Variants in DCT observed in about 807,000 individuals in gnomAD.
DCT encodes the protein L-dopachrome tautomerase.
In DCT, 47 loss-of-function variants were observed where a neutral mutation model predicts 53.0. That is an observed-to-expected ratio of 0.89 (90% CI 0.70 to 1.13). The LOEUF is 1.13. Among genes scored for constraint, DCT ranks in the 50% most tolerant of loss-of-function variants. The probability of loss-of-function intolerance (pLI) is 0.00; values close to 1 mark genes in which losing one functional copy is unlikely to be tolerated. For missense variants in DCT, 669 were observed against 637.4 expected (o/e 1.05, Z -0.53); for synonymous variants, 244 against 237.0 (o/e 1.03, Z -0.27).
At chr13:94,444,000 A>C (rs1250329838) in intron 6 of DCT, among the ~76,000 whole-genome samples, 2 of 152,230 alleles carry the variant, frequency 1.3e-5, no homozygotes, top group Non-Finnish European at 2.9e-5. Context: ...ATATGTGTTA[A>C]TTATGAAATT....
chr13:94,506,162 A>C, the DCT span, among the ~76,000 whole-genome samples: 11,406 of 152,294 alleles, frequency 0.075, 892 homozygotes, highest in African/African-American at 0.2. Context: ...CACCATGGAT[A>C]TCTAAACACC....
chr13:94,511,988 T>C, the DCT span, among the ~76,000 whole-genome samples: 1 of 152,176 alleles, frequency 6.6e-6, no homozygotes, highest in South Asian at 2.1e-4. Context: ...CTCCACCTCC[T>C]GAGTAGCTGG....
At chr13:94,536,182 C>T in the DCT span, among the ~76,000 whole-genome samples, 3 of 152,232 alleles carry the variant, frequency 2.0e-5, no homozygotes, top group Non-Finnish European at 2.9e-5. Context: ...AGCCAATGGT[C>T]GATACAGTTT....
chr13:94,515,706 T>C, the DCT span, among the ~76,000 whole-genome samples: 2 of 152,154 alleles, frequency 1.3e-5, no homozygotes, highest in Non-Finnish European at 2.9e-5. Flanking sequence ...CTAGAAAGCT[T>C]GGACCTCAGC....
chr13:94,486,095 C>A, the DCT span, among the ~76,000 whole-genome samples: 1 of 152,130 alleles, frequency 6.6e-6, no homozygotes, highest in Non-Finnish European at 1.5e-5. Flanking sequence ...CCTCGGGTAA[C>A]AAGCTCTGTG....
At position 94,438,558 on chromosome 13, in the gene DCT, G is replaced by A; in HGVS notation, c.*1340C>T. ...ACATTCATTCATTCCAGTAGAGAGG[G>A]GCCTCGACAGACAAGCCACGCCCTA... On this transcript the variant is annotated 3_prime_UTR_variant, in exon 8 of 8. Transcript: ENST00000377028. 2.2e-6 allele frequency: 1 copy of A among 455,536 alleles called. No individual in the cohort carries two copies. The highest frequency in any genetic ancestry group is 4.4e-6 in the Non-Finnish European group (1 of 226,642). The allele number at this position is 455,536 out of a possible 1,614,324, so 28.2% of individuals were successfully genotyped here.
Position 94,438,439 on chromosome 13 carries a change from T to C in DCT, c.*1459A>G. 1 of 295,884 alleles carries C rather than the reference T, an allele frequency of 3.4e-6. No homozygotes were observed. Among genetic ancestry groups the C allele is most frequent in the Non-Finnish European group, 6.7e-6 (1 of 149,216 alleles). 18.3% of individuals were successfully genotyped at this position (295,884 alleles called of 1,614,324 possible). On this transcript the variant is annotated 3_prime_UTR_variant, in exon 8 of 8. Coordinates refer to ENST00000377028, the MANE Select transcript of DCT (RefSeq NM_001922.5). The stretch of plus-strand genomic sequence containing the variant: ...CATTTCTCTGGCTTTAGCAGTCCTT[T>C]TGCATGGGGTAAACTGGTTCTTGAT...
the DCT span, among the ~76,000 whole-genome samples, chr13:94,487,592 A>C: frequency 6.6e-6 from 1 of 152,204 alleles, no homozygotes; most frequent in African/African-American, 2.4e-5. Context: ...TTGAAGAGAA[A>C]GGTAGATGTG....
At chr13:94,499,537 T>C in the DCT span, among the ~76,000 whole-genome samples, 1 of 151,998 alleles carries the variant, frequency 6.6e-6, no homozygotes, top group Non-Finnish European at 1.5e-5. Flanking sequence ...AAAGAATAAT[T>C]TTCTCTTCAG....
At chr13:94,478,120 C>CA (rs1885216515) in intron 1 of DCT, among the ~76,000 whole-genome samples, 1 of 152,036 alleles carries the variant, frequency 6.6e-6, no homozygotes, top group Non-Finnish European at 1.5e-5. Context: ...AGAAGAGTGA[C>CA]AAAAAGCCAT....
chr13:94,440,808 G>GGCACC (rs1204183889), intron 7 of DCT, among the ~76,000 whole-genome samples: 41 of 149,552 alleles, frequency 2.7e-4, no homozygotes, highest in Middle Eastern at 3.2e-3. Flanking sequence ...AGCCTCCCGA[G>GGCACC]TAGCTGGGAT....
intron 7 of DCT, among the ~76,000 whole-genome samples, chr13:94,440,676 G>GTTTTTTT (rs761688508): frequency 1.3e-3 from 128 of 98,022 alleles, no homozygotes; most frequent in Non-Finnish European, 1.7e-3. Flanking sequence ...TCATTTTTTG[G>GTTTTTTT]TTTTTTTTTT....
the DCT span, among the ~76,000 whole-genome samples, chr13:94,493,577 A>G: frequency 6.6e-6 from 1 of 152,244 alleles, no homozygotes; most frequent in Non-Finnish European, 1.5e-5. Context: ...GTTATACCTC[A>G]GTCAAGTTAT....
At position 94,439,933 on chromosome 13, in the gene DCT, G is replaced by A. The variant is rs1272694208; in HGVS notation, c.1525C>T (p.His509Tyr). The part of the protein sequence containing the change: ...RKGYTPLMET[H>Y]LSSKRYTEEA ...TCTGTGTATCTCTTGCTGCTTAAAT[G>A]TGTCTCCATTAGGGGTGTATATCCT... The change falls in exon 8 of 8, where the codon CAT becomes TAT. Residue 509 changes from histidine to tyrosine, a missense_variant. By Grantham distance (83) the His-to-Tyr change is moderately conservative (BLOSUM62 2). Coordinates refer to ENST00000377028, the MANE Select transcript of DCT (RefSeq NM_001922.5). 2 of 1,613,926 alleles carry A rather than the reference G, an allele frequency of 1.2e-6. No individual in the cohort carries two copies. The highest frequency in any genetic ancestry group is 1.7e-6 in the Non-Finnish European group (2 of 1,179,896).
intron 3 of DCT, 33 bp from the exon 4 acceptor site, chr13:94,465,832 C>G: frequency 1.3e-6 from 2 of 1,588,214 alleles, no homozygotes; most frequent in Non-Finnish European, 1.7e-6. Context: ...GTCATTTAAT[C>G]CATGCCATCA....
the DCT span, among the ~76,000 whole-genome samples, chr13:94,514,313 A>G: frequency 3.0e-5 from 4 of 131,272 alleles, no homozygotes; most frequent in African/African-American, 1.1e-4. Context: ...AAACCACCAA[A>G]ACGGGGGTGG....
the DCT span, among the ~76,000 whole-genome samples, chr13:94,514,315 C>G: frequency 6.6e-6 from 1 of 151,908 alleles, no homozygotes; most frequent in Non-Finnish European, 1.5e-5. Context: ...ACCACCAAAA[C>G]GGGGGTGGGC....
upstream of DCT, among the ~76,000 whole-genome samples, chr13:94,480,153 A>G (rs1030359749): frequency 2.0e-5 from 3 of 151,968 alleles, no homozygotes; most frequent in Admixed American, 2.0e-4. Flanking sequence ...ATAATAACTT[A>G]CTCTTCTCCT....
At chr13:94,501,589 A>G in the DCT span, among the ~76,000 whole-genome samples, 1 of 152,030 alleles carries the variant, frequency 6.6e-6, no homozygotes, top group Non-Finnish European at 1.5e-5. Flanking sequence ...GAAGACAGCC[A>G]TGGATCTTGC....
Sources: allele counts gnomAD v4.1 joint callset (sites outside exome capture counted in the v4.1 genomes callset), GRCh38; gene constraint gnomAD v4.1.1; transcripts MANE v1.5; gene names NCBI Gene and HGNC (gene_info 2026-07-23, HGNC 2026-07-21).